PARD3B: variants seen among roughly 807,000 people sequenced by gnomAD.
PARD3B encodes partitioning defective 3 homolog B.
A neutral mutation model predicts 130.2 loss-of-function variants in PARD3B; 103 were observed. The ratio of observed to expected loss-of-function variants is 0.79; its 90% CI spans 0.67 to 0.93. The LOEUF (loss-of-function observed/expected upper bound fraction) is 0.93, where lower values mean the gene tolerates loss of function less well. Among genes scored for constraint, PARD3B ranks in the 40% least tolerant of loss-of-function variants. The probability of loss-of-function intolerance (pLI) is 0.00; values close to 1 mark genes in which losing one functional copy is unlikely to be tolerated. For missense variants in PARD3B, 1,609 were observed against 1,499.2 expected (o/e 1.07, Z -1.21); for synonymous variants, 583 against 553.2 (o/e 1.05, Z -0.76).
chr2:204,932,556 G>C (rs892625996), intron 2 of PARD3B, among the ~76,000 whole-genome samples: 2 of 152,042 alleles, frequency 1.3e-5, no homozygotes, highest in African/African-American at 2.4e-5. Context: ...AAGTATATTT[G>C]TTGATTCAAA....
chr2:205,234,924 T>A (rs747432048), intron 15 of PARD3B, among the ~76,000 whole-genome samples: 3 of 152,198 alleles, frequency 2.0e-5, no homozygotes, highest in Non-Finnish European at 4.4e-5. Context: ...ATAAATTATA[T>A]ACTTCTTAAT....
intron 2 of PARD3B, among the ~76,000 whole-genome samples, chr2:204,860,459 T>C (rs2125625882): frequency 6.6e-6 from 1 of 152,346 alleles, no homozygotes; most frequent in South Asian, 2.1e-4. Flanking sequence ...TGCTGGCAGA[T>C]GGCATGGACT....
chr2:205,162,372 CTGAAGCATAACT>C (rs1159520213), intron 11 of PARD3B, among the ~76,000 whole-genome samples: 1 of 152,252 alleles, frequency 6.6e-6, no homozygotes, highest in Non-Finnish European at 1.5e-5. Context: ...ATAGGCCCCT[CTGAAGCATAACT>C]TGTAGCTATG....
intron 11 of PARD3B, among the ~76,000 whole-genome samples, chr2:205,168,316 A>AGTGTGT (rs200083729): frequency 2.1e-5 from 3 of 142,738 alleles, no homozygotes; most frequent in Non-Finnish European, 4.6e-5. Context: ...AGAGAGAGAG[A>AGTGTGT]GAGAGTGTGT....
At chr2:204,786,152 C>T (rs978884893) in intron 2 of PARD3B, among the ~76,000 whole-genome samples, 2 of 149,650 alleles carry the variant, frequency 1.3e-5, no homozygotes, top group East Asian at 2.0e-4. Context: ...TTGAAACCAA[C>T]GAATCGCTAT....
At chr2:204,725,627 A>G (rs754326349) in intron 2 of PARD3B, among the ~76,000 whole-genome samples, 2 of 152,192 alleles carry the variant, frequency 1.3e-5, no homozygotes, top group African/African-American at 2.4e-5. Flanking sequence ...TCTACTTTAC[A>G]TATTTTATGT....
In PARD3B at chr2:204,626,490, A is replaced by G. The variant is rs534025226; in HGVS notation, c.121-59691A>G. Among the ~76,000 whole-genome samples the G allele has an allele frequency of 1.2e-4, 19 of 152,290 alleles. No individual in the cohort carries two copies. In the South Asian group the frequency reaches 1.4e-3, roughly 12 times the overall value. The stretch of plus-strand genomic sequence containing the variant: ...TTGGAGTACCCATGAATTTAAAGGA[A>G]GTAGACATAATTATACATTATTTGA... On this transcript the variant is annotated intron_variant, in intron 1 of 22. Transcript: ENST00000406610.
chr2:205,262,541 G>C (rs113697552), intron 16 of PARD3B, among the ~76,000 whole-genome samples: 301 of 152,130 alleles, frequency 2.0e-3, no homozygotes, highest in African/African-American at 7.0e-3. Context: ...GTGGCAGAGG[G>C]GGCAGATTAC....
intron 10 of PARD3B, among the ~76,000 whole-genome samples, chr2:205,141,682 T>A (rs2032967455): frequency 6.6e-6 from 1 of 152,232 alleles, no homozygotes; most frequent in South Asian, 2.1e-4. Context: ...TTAGCACTAT[T>A]ATGGCAATGG....
At chr2:205,256,825 A>G (rs1477583432) in intron 16 of PARD3B, among the ~76,000 whole-genome samples, 4 of 151,928 alleles carry the variant, frequency 2.6e-5, no homozygotes, top group East Asian at 1.9e-4. Context: ...CTGGAAACCT[A>G]TTTGGGAACC....
At chr2:204,613,689 A>G (rs2034010220) in intron 1 of PARD3B, among the ~76,000 whole-genome samples, 1 of 152,004 alleles carries the variant, frequency 6.6e-6, no homozygotes, top group African/African-American at 2.4e-5. Flanking sequence ...TTTGCCATCA[A>G]AAGTTTTATT....
At position 205,121,193 on chromosome 2, in the gene PARD3B, T is replaced by C. The variant is rs1347008064; in HGVS notation, c.807-398T>C. Among the ~76,000 whole-genome samples the C allele has an allele frequency of 2.0e-5, 3 of 152,228 alleles. No homozygotes were observed. The highest frequency in any genetic ancestry group is 7.2e-5 in the African/African-American group (3 of 41,458). On this transcript the variant is annotated intron_variant, in intron 7 of 22. Transcript: ENST00000406610. This position sits in a 1 kb window ranked among gnomAD's most constrained non-coding sequence, Gnocchi z 5.0. The stretch of plus-strand genomic sequence containing the variant: ...AACTAATGATCTGATCCAAAATATC[T>C]ATTTTGCTTTTTATATTCACTTTGG...
intron 2 of PARD3B, among the ~76,000 whole-genome samples, chr2:204,792,527 CCCTTT>C (rs1369713398): frequency 1.3e-5 from 2 of 151,678 alleles, no homozygotes; most frequent in African/African-American, 4.9e-5. Flanking sequence ...TCCTGAGTTT[CCCTTT>C]CAAGTAAGAC....
At chr2:205,022,587 A>G (rs1484353970) in intron 3 of PARD3B, among the ~76,000 whole-genome samples, 4 of 152,190 alleles carry the variant, frequency 2.6e-5, no homozygotes, top group Admixed American at 6.6e-5. Context: ...TAGAATTAAC[A>G]TCTTAGAATT....
chr2:204,884,882 T>A (rs1411691364), intron 2 of PARD3B, among the ~76,000 whole-genome samples: 1 of 152,250 alleles, frequency 6.6e-6, no homozygotes, highest in African/African-American at 2.4e-5. Flanking sequence ...AGTCTATTGA[T>A]GAGCATTTGA....
chr2:204,899,996 G>A (rs1013174859), intron 2 of PARD3B, among the ~76,000 whole-genome samples: 2 of 151,612 alleles, frequency 1.3e-5, no homozygotes, highest in Non-Finnish European at 2.9e-5. Flanking sequence ...ATTGGACTTC[G>A]TTTGTGTATT....
At chr2:205,607,430 C>G (rs1356991902) in intron 22 of PARD3B, among the ~76,000 whole-genome samples, 1 of 152,124 alleles carries the variant, frequency 6.6e-6, no homozygotes, top group Non-Finnish European at 1.5e-5. Flanking sequence ...TGTCTGTCTG[C>G]CTGGGCTTGA....
At chr2:204,878,247 C>CT (rs141844587) in intron 2 of PARD3B, among the ~76,000 whole-genome samples, 2,858 of 152,020 alleles carry the variant, frequency 0.019, 61 homozygotes, top group East Asian at 0.11. Flanking sequence ...AAGAAATTGC[C>CT]TTTTTTAATG....
At position 205,183,773 on chromosome 2, in the gene PARD3B, TGA is replaced by T. The variant is rs1553634028; in HGVS notation, c.1925-1990_1925-1989del. On this transcript the variant is annotated intron_variant, in intron 13 of 22. Coordinates refer to ENST00000406610, the MANE Select transcript of PARD3B (RefSeq NM_001302769.2). This position sits in a 1 kb window ranked among gnomAD's most constrained non-coding sequence, Gnocchi z 5.2. Reference sequence around the variant, plus strand: ...GTGTGTGTGTGTGTGTGTGTGTGTGTGAACAGATTTATGATAAGGAATTGGCT... The same window carrying T: ...GTGTGTGTGTGTGTGTGTGTGTGTGTACAGATTTATGATAAGGAATTGGCT... Among the ~76,000 whole-genome samples the T allele has an allele frequency of 1.4e-5, 2 of 147,126 alleles. No individual in the cohort carries two copies. The highest frequency in any genetic ancestry group is 2.5e-5 in the African/African-American group (1 of 39,484).
Sources: gnomAD v4.1 joint callset for allele counts (sites outside exome capture counted in the v4.1 genomes callset) on GRCh38, gnomAD v4.1.1 for gene constraint, Gnocchi (gnomAD v3.1) non-coding constraint, MANE v1.5 for transcripts, NCBI Gene and HGNC (gene_info 2026-07-23, HGNC 2026-07-21) for gene names.